Variants in CNTN5 observed in about 807,000 individuals in gnomAD.
The protein encoded by CNTN5 is contactin-5.
Under a neutral mutation model 129.1 loss-of-function variants are expected in CNTN5, and 77 were observed. The observed-to-expected ratio is 0.60, with a 90% CI of 0.50 to 0.72. The LOEUF (loss-of-function observed/expected upper bound fraction) is 0.72, where lower values mean the gene tolerates loss of function less well. Ranked by LOEUF, CNTN5 falls within the 30% of genes least tolerant of loss-of-function variation. The pLI, the probability that CNTN5 is intolerant of heterozygous loss-of-function variation, is 0.00. For missense variants in CNTN5, 1,478 were observed against 1,328.8 expected, an observed-to-expected ratio of 1.11 and a Z score of -1.75; for synonymous variants, 509 against 465.6, an observed-to-expected ratio of 1.09 and a Z score of -1.20.
At chr11:100,187,104 C>T (rs1948321028) in intron 13 of CNTN5, among the ~76,000 whole-genome samples, 1 of 152,114 alleles carries the variant, frequency 6.6e-6, no homozygotes, top group African/African-American at 2.4e-5. Flanking sequence ...TTATAGAGAT[C>T]TGTCACCTCC....
chr11:99,235,567 T>C (rs566669088), intron 1 of CNTN5, among the ~76,000 whole-genome samples: 2 of 152,260 alleles, frequency 1.3e-5, no homozygotes, highest in South Asian at 4.1e-4. Context: ...TTAGATAATA[T>C]CCTTACAATA....
intron 13 of CNTN5, among the ~76,000 whole-genome samples, chr11:100,091,424 C>CT (rs60075209): frequency 0.04 from 4,532 of 114,156 alleles, 239 homozygotes; most frequent in African/African-American, 0.083. Flanking sequence ...TTTATTTATT[C>CT]TTTTTTTTTT....
chr11:99,960,048 T>G (rs576832374), intron 8 of CNTN5, among the ~76,000 whole-genome samples: 2 of 152,164 alleles, frequency 1.3e-5, no homozygotes, highest in African/African-American at 4.8e-5. Context: ...GAGCCAAACT[T>G]CTAACTTCCC....
Position 99,779,519 on chromosome 11 carries a change from T to G in CNTN5, c.56-40025T>G, listed in dbSNP as rs572710115. ...CCAGAAGACTGGTAAATTTCCAGCT[T>G]CCCTTAGAATAATTGTAATGATAGC... On this transcript the variant is annotated intron_variant, in intron 3 of 24. Coordinates refer to ENST00000524871, the MANE Select transcript of CNTN5 (RefSeq NM_014361.4). Among the ~76,000 whole-genome samples the G allele has an allele frequency of 2.2e-3, 327 of 152,080 alleles. 1 individual carries two copies. Among genetic ancestry groups the G allele is most frequent in the Non-Finnish European group, 3.4e-3 (233 of 67,958 alleles).
chr11:100,051,032 G>A (rs1942925531), intron 9 of CNTN5, among the ~76,000 whole-genome samples: 1 of 152,020 alleles, frequency 6.6e-6, no homozygotes, highest in African/African-American at 2.4e-5. Context: ...TCAATTACAA[G>A]AACAGCAGGA....
intron 8 of CNTN5, among the ~76,000 whole-genome samples, chr11:99,974,727 A>G (rs1937827355): frequency 1.3e-5 from 2 of 152,206 alleles, no homozygotes; most frequent in South Asian, 2.1e-4. Context: ...TGTGTTAATT[A>G]TCTGTCAAAT....
chr11:100,193,583 G>T lies in CNTN5; in HGVS notation c.1804G>T (p.Asp602Tyr). 6.2e-7 allele frequency: 1 copy of T among 1,611,982 alleles called. No individual in the cohort carries two copies. The highest frequency in any genetic ancestry group is 8.5e-7 in the Non-Finnish European group (1 of 1,178,816). The change falls in exon 15 of 25, where the codon GAT becomes TAT. Residue 602 changes from aspartate to tyrosine, a missense_variant. Physicochemically the swap from Asp to Tyr is radical, Grantham distance 160. Transcript: ENST00000524871. ...NCKAIHDASL[D>Y]VTFYWTLKGQ... ...CAAAGCAATTCACGATGCTAGTTTG[G>T]ATGTCACTTTCTACTGGACTCTGAA...
chr11:99,359,616 T>C lies in CNTN5; in HGVS notation c.-71+34132T>C, dbSNP rs11219594. On this transcript the variant is annotated intron_variant, in intron 2 of 24. Coordinates refer to ENST00000524871, the MANE Select transcript of CNTN5 (RefSeq NM_014361.4). ...AAAAAATATATTATATATGAATAAA[T>C]ATATTTATTTATATAAATATATTTA... Among the ~76,000 whole-genome samples, 381 of 140,122 alleles carry C rather than the reference T, an allele frequency of 2.7e-3. 2 individuals are homozygous for C. The highest frequency in any genetic ancestry group is 0.011 in the African/African-American group (359 of 32,478). 91.9% of individuals were successfully genotyped at this position (140,122 alleles called of 152,430 possible). A position where few individuals can be genotyped will look rare whatever the true frequency, so the allele number is the denominator to read the frequency against.
intron 3 of CNTN5, among the ~76,000 whole-genome samples, chr11:99,794,847 A>C (rs1945877019): frequency 9.9e-6 from 1 of 101,020 alleles, no homozygotes; most frequent in South Asian, 3.7e-4. Context: ...TGCTAGCTCC[A>C]CTTACCTTTT....
intron 1 of CNTN5, among the ~76,000 whole-genome samples, chr11:99,221,512 C>A (rs975428069): frequency 1.3e-4 from 20 of 151,838 alleles, no homozygotes; most frequent in African/African-American, 4.8e-4. Context: ...ATAAATGTCA[C>A]ATGAATTCAT....
intron 13 of CNTN5, among the ~76,000 whole-genome samples, chr11:100,179,880 G>C (rs1171100842): frequency 2.0e-5 from 3 of 152,098 alleles, no homozygotes; most frequent in Non-Finnish European, 4.4e-5. Flanking sequence ...AATCGTAATA[G>C]TCCTATGTCT....
At chr11:99,113,437 C>T (rs377674896) in intron 1 of CNTN5, among the ~76,000 whole-genome samples, 3 of 151,542 alleles carry the variant, frequency 2.0e-5, no homozygotes, top group East Asian at 3.9e-4. Context: ...GAGAATAAGG[C>T]AGAAAAAAAG....
At chr11:100,167,347 G>A (rs767487650) in intron 13 of CNTN5, among the ~76,000 whole-genome samples, 3 of 151,760 alleles carry the variant, frequency 2.0e-5, no homozygotes, top group Non-Finnish European at 4.4e-5. Flanking sequence ...GAGAAAATTG[G>A]AGATGACTGA....
chr11:99,465,874 CTTT>C (rs35950728), intron 2 of CNTN5, among the ~76,000 whole-genome samples: 2 of 106,418 alleles, frequency 1.9e-5, no homozygotes, highest in Admixed American at 1.2e-4. Flanking sequence ...TGCCACACAC[CTTT>C]TTTTTTTTTT....
intron 3 of CNTN5, among the ~76,000 whole-genome samples, chr11:99,730,774 T>G (rs1943504327): frequency 6.6e-6 from 1 of 152,244 alleles, no homozygotes; most frequent in Admixed American, 6.5e-5. Flanking sequence ...ATCTATCACC[T>G]CAAACATTTA....
intron 3 of CNTN5, among the ~76,000 whole-genome samples, chr11:99,625,106 C>G (rs565956819): frequency 5.3e-5 from 8 of 152,266 alleles, no homozygotes; most frequent in Non-Finnish European, 1.2e-4. Flanking sequence ...GAAAGATTAT[C>G]TATTGGTTAA....
intron 7 of CNTN5, among the ~76,000 whole-genome samples, chr11:99,932,917 A>G (rs1329010990): frequency 6.6e-6 from 1 of 152,178 alleles, no homozygotes; most frequent in Non-Finnish European, 1.5e-5. Flanking sequence ...TCACTGCACA[A>G]CAGTCATTTA....
At chr11:99,433,979 G>A (rs531071418) in intron 2 of CNTN5, among the ~76,000 whole-genome samples, 13 of 152,060 alleles carry the variant, frequency 8.5e-5, no homozygotes, top group Non-Finnish European at 5.9e-5. Flanking sequence ...AAGCAGATCA[G>A]AAAAAGACTT....
intron 2 of CNTN5, among the ~76,000 whole-genome samples, chr11:99,465,874 C>T (rs372835383): frequency 0.026 from 2,807 of 106,408 alleles, 56 homozygotes; most frequent in Middle Eastern, 0.094. Flanking sequence ...TGCCACACAC[C>T]TTTTTTTTTT....
Sources: gnomAD v4.1 joint callset for allele counts (sites outside exome capture counted in the v4.1 genomes callset) on GRCh38, gnomAD v4.1.1 for gene constraint, MANE v1.5 for transcripts, NCBI Gene and HGNC (gene_info 2026-07-23, HGNC 2026-07-21) for gene names.